BCL2: variants seen among roughly 807,000 people sequenced by gnomAD.
BCL2 encodes apoptosis regulator Bcl-2.
Under a neutral mutation model 14.2 loss-of-function variants are expected in BCL2, and 1 was observed. That is an observed-to-expected ratio of 0.07 (90% CI 0.02 to 0.33). The LOEUF (loss-of-function observed/expected upper bound fraction) is 0.33. Ranked by LOEUF, BCL2 falls within the 10% of genes least tolerant of loss-of-function variation. The pLI is 0.99. For synonymous variants in BCL2, 151 were observed against 137.2 expected (o/e 1.10, Z -0.70); for missense variants, 247 against 305.9 (o/e 0.81, Z 1.44).
chr18:63,146,788 C>T (rs112138172), intron 2 of BCL2, among the ~76,000 whole-genome samples: 298 of 152,136 alleles, frequency 2.0e-3, no homozygotes, highest in African/African-American at 6.9e-3. Context: ...AGGATCACGC[C>T]TGGTGGGTTT....
At chr18:63,218,775 C>T in intron 2 of BCL2, among the ~76,000 whole-genome samples, 1 of 102,430 alleles carries the variant, frequency 9.8e-6, no homozygotes, top group African/African-American at 3.5e-5. Context: ...TACTCATCCC[C>T]ATCCTCCACT....
intron 2 of BCL2, among the ~76,000 whole-genome samples, chr18:63,165,743 G>A (rs1432748294): frequency 6.6e-6 from 1 of 150,652 alleles, no homozygotes; most frequent in East Asian, 2.0e-4. Context: ...GACAAAAAGA[G>A]ATTGAGCAAG....
chr18:63,174,184 C>T (rs2144634172), intron 2 of BCL2, among the ~76,000 whole-genome samples: 1 of 152,278 alleles, frequency 6.6e-6, no homozygotes, highest in Middle Eastern at 3.4e-3. Flanking sequence ...AATGAGTACT[C>T]TTTTGTTCCT....
At chr18:63,257,036 T>C (rs1238265230) in intron 2 of BCL2, among the ~76,000 whole-genome samples, 1 of 152,254 alleles carries the variant, frequency 6.6e-6, no homozygotes, top group Non-Finnish European at 1.5e-5. Flanking sequence ...GTTATGTCCT[T>C]ACTATTTTGT....
At chr18:63,209,108 G>C (rs1425071542) in intron 2 of BCL2, among the ~76,000 whole-genome samples, 116 of 152,198 alleles carry the variant, frequency 7.6e-4, no homozygotes, top group Non-Finnish European at 7.3e-5. Context: ...TTTGGGGAAG[G>C]CTGGGAGAAA....
At chr18:63,147,685 T>C (rs1914546650) in intron 2 of BCL2, among the ~76,000 whole-genome samples, 1 of 152,216 alleles carries the variant, frequency 6.6e-6, no homozygotes, top group African/African-American at 2.4e-5. Context: ...ATGAAAAACA[T>C]ATTCCAATAA....
intron 2 of BCL2, among the ~76,000 whole-genome samples, chr18:63,233,233 G>T (rs1275276755): frequency 2.0e-5 from 3 of 152,156 alleles, no homozygotes; most frequent in Admixed American, 6.5e-5. Flanking sequence ...TATGAATTTT[G>T]CAGGGAAAGA....
intron 2 of BCL2, among the ~76,000 whole-genome samples, chr18:63,202,579 C>G (rs570765871): frequency 6.6e-6 from 1 of 152,298 alleles, no homozygotes; most frequent in South Asian, 2.1e-4. Flanking sequence ...TTAGATGCCA[C>G]AGAGACAAAC....
At position 63,125,494 on chromosome 18, in the gene BCL2, T is replaced by TC. The variant is rs1423812720; in HGVS notation, c.*3130dup. ...TTTGGGGCTTTTTTTAGAGCCCTTG[T>TC]CCCCAATTTGGAAAGTGCATATACT... On this transcript the variant is annotated 3_prime_UTR_variant, in exon 3 of 3. Coordinates refer to ENST00000333681, the MANE Select transcript of BCL2 (RefSeq NM_000633.3). The TC allele has an allele frequency of 4.6e-6, 1 of 218,142 alleles. No homozygotes were observed. Among genetic ancestry groups the TC allele is most frequent in the African/African-American group, 2.2e-5 (1 of 44,514 alleles). 13.5% of individuals were successfully genotyped at this position (218,142 alleles called of 1,614,324 possible).
intron 2 of BCL2, among the ~76,000 whole-genome samples, chr18:63,237,164 C>T (rs7239903): frequency 9.4e-4 from 143 of 152,184 alleles, no homozygotes; most frequent in African/African-American, 3.2e-3. Flanking sequence ...TCTCCCAGCC[C>T]GGGGACTGTG....
chr18:63,245,418 C>T (rs771540343), intron 2 of BCL2, among the ~76,000 whole-genome samples: 6 of 152,192 alleles, frequency 3.9e-5, no homozygotes, highest in African/African-American at 7.2e-5. Flanking sequence ...ATTTCAAAGA[C>T]TCATCCACCT....
rs545100905 is a variant in BCL2, at chr18:63,130,064, C to T, written c.586-1305G>A. 4.6e-5 allele frequency among the ~76,000 whole-genome samples: 7 copies of T among 152,324 alleles called. No homozygotes were observed. In the East Asian group the frequency reaches 1.4e-3, roughly 29 times the overall value. On this transcript the variant is annotated intron_variant, in intron 2 of 2. Transcript: ENST00000333681. ...AGTGTGTTGTAGCAAAGTCTACCCT[C>T]TGGATGGGCTTGGATTGAGCAAATC...
intron 2 of BCL2, among the ~76,000 whole-genome samples, chr18:63,161,625 C>T (rs944227545): frequency 6.6e-6 from 1 of 152,162 alleles, no homozygotes; most frequent in Non-Finnish European, 1.5e-5. Context: ...GGTCCTAGGG[C>T]CATTTACAAA....
At position 63,124,610 on chromosome 18, in the gene BCL2, C is replaced by T. The variant is rs1046145832; in HGVS notation, c.*4015G>A. 10 of 231,384 alleles carry T rather than the reference C, an allele frequency of 4.3e-5. No homozygotes were observed. The South Asian group carries it at 9.2e-4, about 21-fold the overall frequency. The allele number at this position is 231,384 out of a possible 1,614,324, so 14.3% of individuals were successfully genotyped here. ...TTAAAAATTCTTCCTCCCTCCCACC[C>T]CTCCAACAAATGTCCTTTGTCCCAT... On this transcript the variant is annotated 3_prime_UTR_variant, in exon 3 of 3. Transcript: ENST00000333681.
At chr18:63,286,315 C>A (rs967143873) in intron 2 of BCL2, among the ~76,000 whole-genome samples, 3 of 152,044 alleles carry the variant, frequency 2.0e-5, no homozygotes, top group Non-Finnish European at 4.4e-5. Flanking sequence ...CAGGGGTGTC[C>A]AAACAGACAT....
intron 2 of BCL2, chr18:63,207,653 C>T (rs946446940): frequency 3.9e-5 from 6 of 152,186 alleles, no homozygotes; most frequent in Admixed American, 3.9e-4. Context: ...CTTCTGCCTC[C>T]AGTGCACTGA....
chr18:63,182,758 A>C (rs1300836455), intron 2 of BCL2, among the ~76,000 whole-genome samples: 1 of 152,194 alleles, frequency 6.6e-6, no homozygotes, highest in African/African-American at 2.4e-5. Context: ...AGGACAAAAA[A>C]ATTTTGCATA....
intron 2 of BCL2, among the ~76,000 whole-genome samples, chr18:63,132,612 T>C (rs1225287435): frequency 6.6e-6 from 1 of 152,138 alleles, no homozygotes; most frequent in Admixed American, 6.6e-5. Flanking sequence ...CCCCTGGAGG[T>C]TGGAGCTGGC....
chr18:63,211,852 A>C (rs963474839), intron 2 of BCL2, among the ~76,000 whole-genome samples: 3 of 152,222 alleles, frequency 2.0e-5, no homozygotes, highest in African/African-American at 7.2e-5. Context: ...TTCAGTCATG[A>C]AAATCAGGGA....
Sources: gnomAD v4.1 joint callset for allele counts (sites outside exome capture counted in the v4.1 genomes callset) on GRCh38, gnomAD v4.1.1 for gene constraint, MANE v1.5 for transcripts, NCBI Gene and HGNC (gene_info 2026-07-23, HGNC 2026-07-21) for gene names.